LPP: variants seen among roughly 807,000 people sequenced by gnomAD.
LPP encodes the protein LIM domain containing preferred translocation partner in lipoma.
LPP carries 38 observed loss-of-function variants against 60.4 expected under a neutral mutation model. The ratio of observed to expected loss-of-function variants is 0.63; its 90% confidence interval spans 0.49 to 0.83. The LOEUF is 0.83. Ranked by LOEUF, LPP falls within the 40% of genes least tolerant of loss-of-function variation. The probability of loss-of-function intolerance (pLI) is 0.00; values close to 1 mark genes in which losing one functional copy is unlikely to be tolerated. For missense variants in LPP, 902 were observed against 783.6 expected (o/e 1.15, Z -1.80); for synonymous variants, 328 against 290.8 (o/e 1.13, Z -1.30).
At chr3:188,548,427 C>T (rs1827232137) in intron 6 of LPP, among the ~76,000 whole-genome samples, 2 of 152,100 alleles carry the variant, frequency 1.3e-5, no homozygotes, top group South Asian at 4.1e-4. Flanking sequence ...CTAATATGAC[C>T]TCTTGCGGTC....
intron 9 of LPP, among the ~76,000 whole-genome samples, chr3:188,828,443 A>C (rs1012889464): frequency 2.3e-4 from 34 of 149,962 alleles, no homozygotes; most frequent in Non-Finnish European, 4.6e-4. Flanking sequence ...AGTCTCTACT[A>C]AAAATACAAA....
chr3:188,282,655 C>G (rs1041157426), intron 2 of LPP, among the ~76,000 whole-genome samples: 1 of 152,126 alleles, frequency 6.6e-6, no homozygotes, highest in Non-Finnish European at 1.5e-5. Flanking sequence ...TTGGCCCCTG[C>G]CTCTCCACCC....
At chr3:188,544,227 T>A (rs901660646) in intron 6 of LPP, among the ~76,000 whole-genome samples, 2 of 152,164 alleles carry the variant, frequency 1.3e-5, no homozygotes, top group African/African-American at 4.8e-5. Flanking sequence ...ATTTTCAGCT[T>A]GATGTAATGA....
intron 8 of LPP, among the ~76,000 whole-genome samples, chr3:188,748,521 C>A (rs983436742): frequency 2.0e-5 from 3 of 152,154 alleles, no homozygotes; most frequent in African/African-American, 7.2e-5. Context: ...CAGCGGCTCA[C>A]ACCTGTAATC....
intron 1 of LPP, among the ~76,000 whole-genome samples, chr3:188,216,795 A>G (rs539913396): frequency 1.3e-5 from 2 of 152,338 alleles, no homozygotes; most frequent in African/African-American, 4.8e-5. Flanking sequence ...AAGAAGTGAG[A>G]AAGCTTGTCC....
intron 9 of LPP, among the ~76,000 whole-genome samples, chr3:188,804,246 TATA>T (rs1748295914): frequency 5.4e-5 from 3 of 55,628 alleles, no homozygotes; most frequent in African/African-American, 2.0e-4. Context: ...TGCATCTTTA[TATA>T]TATATATATA....
At chr3:188,185,735 A>G (rs1418363603) in intron 1 of LPP, among the ~76,000 whole-genome samples, 1 of 152,202 alleles carries the variant, frequency 6.6e-6, no homozygotes, top group Non-Finnish European at 1.5e-5. Context: ...TAGGAATCCC[A>G]ACGGGCAGCG....
Position 188,760,296 on chromosome 3 carries a change from T to C in LPP, c.1410+14T>C. The C allele has an allele frequency of 6.2e-7, 1 of 1,613,938 alleles. No homozygotes were observed. Among genetic ancestry groups the C allele is most frequent in the Non-Finnish European group, 8.5e-7 (1 of 1,179,908 alleles). ...CCCTGCTACATTGTAAGTTCCAGATTTGTTCCTCAAGCACTTTGCAAAGAT... is the reference window on the plus strand; with the variant it reads ...CCCTGCTACATTGTAAGTTCCAGATCTGTTCCTCAAGCACTTTGCAAAGAT... On this transcript the variant is annotated intron_variant, in intron 9 of 11. Transcript: ENST00000617246.
At chr3:188,720,666 A>G (rs1716000258) in intron 8 of LPP, among the ~76,000 whole-genome samples, 1 of 151,956 alleles carries the variant, frequency 6.6e-6, no homozygotes, top group Non-Finnish European at 1.5e-5. Flanking sequence ...CCTTATCCCA[A>G]TTCTGTTCCT....
At chr3:188,673,913 G>A (rs1285575748) in intron 7 of LPP, among the ~76,000 whole-genome samples, 1 of 144,500 alleles carries the variant, frequency 6.9e-6, no homozygotes, top group Non-Finnish European at 1.5e-5. Context: ...TTTCAAAGAA[G>A]ATTGCATAAG....
At chr3:188,866,453 T>C in intron 10 of LPP, 75 bp downstream of exon 10, 1 of 1,187,742 alleles carries the variant, frequency 8.4e-7, no homozygotes, top group Non-Finnish European at 1.1e-6. Flanking sequence ...CATCTGGGCA[T>C]ACATTCTTCT....
intron 8 of LPP, among the ~76,000 whole-genome samples, chr3:188,754,201 G>A (rs1005278138): frequency 1.3e-5 from 2 of 152,090 alleles, no homozygotes; most frequent in Admixed American, 6.6e-5. Context: ...CTGTTCTATC[G>A]CAGTGCTTCC....
At chr3:188,740,428 A>G (rs1023314324) in intron 8 of LPP, among the ~76,000 whole-genome samples, 2 of 152,266 alleles carry the variant, frequency 1.3e-5, no homozygotes, top group Admixed American at 1.3e-4. Flanking sequence ...GTTTTAATAA[A>G]GAGAAATTAC....
At chr3:188,762,669 G>T (rs1433974093) in intron 9 of LPP, among the ~76,000 whole-genome samples, 1 of 151,880 alleles carries the variant, frequency 6.6e-6, no homozygotes, top group East Asian at 1.9e-4. Context: ...TTGGTTTGTT[G>T]TTACTATACT....
intron 9 of LPP, among the ~76,000 whole-genome samples, chr3:188,821,690 C>A (rs954357124): frequency 6.6e-6 from 1 of 151,962 alleles, no homozygotes; most frequent in African/African-American, 2.4e-5. Flanking sequence ...TACATGTACA[C>A]GTTACAATAT....
At chr3:188,571,506 T>C (rs1054250133) in intron 6 of LPP, among the ~76,000 whole-genome samples, 1 of 152,114 alleles carries the variant, frequency 6.6e-6, no homozygotes, top group African/African-American at 2.4e-5. Context: ...AATTTCCTTT[T>C]GGTTTGCTTT....
intron 6 of LPP, among the ~76,000 whole-genome samples, chr3:188,530,397 G>T (rs973174200): frequency 6.6e-6 from 1 of 152,202 alleles, no homozygotes; most frequent in Non-Finnish European, 1.5e-5. Flanking sequence ...TGTTTGTCAG[G>T]GAGTAGTTTT....
chr3:188,509,741 G>A (rs1377040687), intron 5 of LPP, among the ~76,000 whole-genome samples: 1 of 146,478 alleles, frequency 6.8e-6, no homozygotes, highest in Admixed American at 6.9e-5. Context: ...CGCCCAGGCT[G>A]GAGTGCAATG....
chr3:188,844,921 A>G (rs1054650407), intron 9 of LPP, among the ~76,000 whole-genome samples: 3 of 152,240 alleles, frequency 2.0e-5, no homozygotes, highest in African/African-American at 4.8e-5. Context: ...ATGTGAACCA[A>G]TGAAGGTGCC....
Sources: gnomAD v4.1 joint callset for allele counts (sites outside exome capture counted in the v4.1 genomes callset) on GRCh38, gnomAD v4.1.1 for gene constraint, MANE v1.5 for transcripts, NCBI Gene and HGNC (gene_info 2026-07-23, HGNC 2026-07-21) for gene names.